BANK1: variants seen among roughly 807,000 people sequenced by gnomAD.
The protein encoded by BANK1 is B-cell scaffold protein with ankyrin repeats.
In BANK1, 95 loss-of-function variants were observed where a neutral mutation model predicts 94.5. That is an observed-to-expected ratio of 1.00 (90% CI 0.85 to 1.19). The LOEUF (loss-of-function observed/expected upper bound fraction) is 1.19. BANK1 is among the 50% of genes most tolerant of loss of function. The pLI is 0.00. For missense variants in BANK1, 987 were observed against 932.2 expected, an observed-to-expected ratio of 1.06 and a Z score of -0.77; for synonymous variants, 334 against 308.4, an observed-to-expected ratio of 1.08 and a Z score of -0.87.
chr4:101,817,881 T>C (rs2148857554), intron 1 of BANK1, among the ~76,000 whole-genome samples: 1 of 152,164 alleles, frequency 6.6e-6, no homozygotes, highest in South Asian at 2.1e-4. Context: ...ATTAGTGTAT[T>C]TTATATGTGG....
chr4:101,983,933 A>C (rs1490529643), intron 7 of BANK1, among the ~76,000 whole-genome samples: 1 of 152,084 alleles, frequency 6.6e-6, no homozygotes, highest in Non-Finnish European at 1.5e-5. Flanking sequence ...ATAATATGAA[A>C]GCCTGAAGTG....
intron 7 of BANK1, among the ~76,000 whole-genome samples, chr4:101,980,076 GT>G (rs1003204410): frequency 2.4e-4 from 36 of 151,564 alleles, no homozygotes; most frequent in Non-Finnish European, 3.4e-4. Context: ...AGTGGCAAAA[GT>G]TTTTTTCTTA....
At chr4:101,971,189 T>A (rs1724939719) in intron 7 of BANK1, among the ~76,000 whole-genome samples, 1 of 152,172 alleles carries the variant, frequency 6.6e-6, no homozygotes, top group Non-Finnish European at 1.5e-5. Flanking sequence ...AAAGGACAAT[T>A]AAATATATTA....
In BANK1 at chr4:102,031,431, G is replaced by A. The variant is rs183091026; in HGVS notation, c.1900+1166G>A. Among the ~76,000 whole-genome samples the A allele has an allele frequency of 1.2e-4, 19 of 152,132 alleles. No individual in the cohort carries two copies. In the East Asian group the frequency reaches 2.5e-3, roughly 20 times the overall value. On this transcript the variant is annotated intron_variant, in intron 10 of 16. Transcript: ENST00000322953. The stretch of plus-strand genomic sequence containing the variant: ...ATAGTTTCTTTTGCTGTGCAGAAGC[G>A]CTTTAGTTTAATTAGATCCCATTTG...
intron 7 of BANK1, among the ~76,000 whole-genome samples, chr4:101,922,542 C>T (rs1459310977): frequency 2.6e-5 from 4 of 151,756 alleles, no homozygotes; most frequent in Non-Finnish European, 4.4e-5. Context: ...AATTGAAAGA[C>T]TTGTCTTATT....
At chr4:102,057,012 AAAC>A (rs891424524) in intron 11 of BANK1, among the ~76,000 whole-genome samples, 1 of 152,082 alleles carries the variant, frequency 6.6e-6, no homozygotes, top group African/African-American at 2.4e-5. Context: ...ACAAAAACAA[AAAC>A]AAAATGAAAC....
intron 7 of BANK1, among the ~76,000 whole-genome samples, chr4:102,015,065 A>G (rs1371941636): frequency 6.6e-6 from 1 of 151,982 alleles, no homozygotes; most frequent in Non-Finnish European, 1.5e-5. Flanking sequence ...CTCACCATCC[A>G]ACTTCATTTA....
chr4:102,005,896 C>A (rs530448145), intron 7 of BANK1, among the ~76,000 whole-genome samples: 1 of 152,098 alleles, frequency 6.6e-6, no homozygotes, highest in East Asian at 1.9e-4. Context: ...AGAATTCATT[C>A]TCTCAACCAC....
chr4:101,982,829 A>G (rs1453342434), intron 7 of BANK1, among the ~76,000 whole-genome samples: 1 of 151,920 alleles, frequency 6.6e-6, no homozygotes, highest in African/African-American at 2.4e-5. Context: ...CCAATGCATC[A>G]AGTTAAACCG....
In BANK1 at chr4:101,915,013, A is replaced by G. The variant is rs377222044; in HGVS notation, c.1010-2980A>G. Among the ~76,000 whole-genome samples the G allele has an allele frequency of 4.6e-5, 7 of 152,096 alleles. No homozygotes were observed. In the East Asian group the frequency reaches 5.8e-4, roughly 13 times the overall value. ...GGGAATGTGTGCTTTGGGTGACTCA[A>G]ATTTTTCATTGCTATACATATGTCT... On this transcript the variant is annotated intron_variant, in intron 6 of 16. Coordinates refer to ENST00000322953, the MANE Select transcript of BANK1 (RefSeq NM_017935.5).
chr4:102,045,060 G>T (rs1009470011), intron 11 of BANK1, among the ~76,000 whole-genome samples: 4 of 151,752 alleles, frequency 2.6e-5, no homozygotes, highest in Admixed American at 1.3e-4. Flanking sequence ...GTCAATTTTG[G>T]CTTTTGTTGC....
intron 1 of BANK1, among the ~76,000 whole-genome samples, chr4:101,796,386 A>C (rs1200192925): frequency 6.6e-6 from 1 of 152,212 alleles, no homozygotes; most frequent in Admixed American, 6.5e-5. Context: ...ACTGCCAGCT[A>C]TCAGCTTCTC....
chr4:101,899,621 T>C (rs1252174759), intron 6 of BANK1, among the ~76,000 whole-genome samples: 3 of 152,170 alleles, frequency 2.0e-5, no homozygotes, highest in African/African-American at 7.2e-5. Context: ...GATTCTATAT[T>C]TCCCCAGATG....
chr4:102,031,995 A>G (rs1157005465), intron 10 of BANK1, among the ~76,000 whole-genome samples: 1 of 152,222 alleles, frequency 6.6e-6, no homozygotes, highest in Non-Finnish European at 1.5e-5. Flanking sequence ...GAAATAAAAC[A>G]TGAATTGGAA....
At chr4:101,945,032 G>T (rs1462082662) in intron 7 of BANK1, among the ~76,000 whole-genome samples, 1 of 151,990 alleles carries the variant, frequency 6.6e-6, no homozygotes. Context: ...GGGCAAACTT[G>T]TAGATGGAAA....
At chr4:102,047,436 T>C (rs1727914194) in intron 11 of BANK1, among the ~76,000 whole-genome samples, 1 of 152,148 alleles carries the variant, frequency 6.6e-6, no homozygotes, top group Admixed American at 6.6e-5. Flanking sequence ...ATAGATCTTT[T>C]TTAAGTCTAC....
At chr4:101,889,716 C>T (rs1721779135) in intron 5 of BANK1, among the ~76,000 whole-genome samples, 1 of 147,900 alleles carries the variant, frequency 6.8e-6, no homozygotes, top group East Asian at 2.0e-4. Flanking sequence ...TCTTGTTCTG[C>T]TTGCTTTGAG....
intron 11 of BANK1, among the ~76,000 whole-genome samples, chr4:102,054,678 CAAAG>C: frequency 6.6e-6 from 1 of 152,152 alleles, no homozygotes; most frequent in African/African-American, 2.4e-5. Flanking sequence ...CTGGAGTCCT[CAAAG>C]AAAATGAAGA....
chr4:101,853,450 A>C (rs1727566720), intron 2 of BANK1, among the ~76,000 whole-genome samples: 2 of 152,176 alleles, frequency 1.3e-5, no homozygotes, highest in South Asian at 4.1e-4. Context: ...GCCAAAGAGC[A>C]CCAGGAATGT....
Sources: allele counts gnomAD v4.1 joint callset (sites outside exome capture counted in the v4.1 genomes callset), GRCh38; gene constraint gnomAD v4.1.1; transcripts MANE v1.5; gene names NCBI Gene and HGNC (gene_info 2026-07-23, HGNC 2026-07-21).